The following TNIK variants were observed in gnomAD, a reference collection of about 807,000 sequenced individuals.
TNIK encodes the protein TRAF2 and NCK-interacting protein kinase.
Under a neutral mutation model 191.3 loss-of-function variants are expected in TNIK, and 49 were observed. That is an observed-to-expected ratio of 0.26 (90% CI 0.20 to 0.32). The LOEUF (loss-of-function observed/expected upper bound fraction) is 0.32, where lower values mean the gene tolerates loss of function less well. Ranked by LOEUF, TNIK falls within the 10% of genes least tolerant of loss-of-function variation. The pLI is 1.00. For missense variants in TNIK, 1,155 were observed against 1,702.3 expected (o/e 0.68, Z 5.66); for synonymous variants, 594 against 600.9 (o/e 0.99, Z 0.17).
intron 7 of TNIK, among the ~76,000 whole-genome samples, chr3:171,186,666 A>G (rs981440700): frequency 2.0e-5 from 3 of 152,156 alleles, no homozygotes; most frequent in African/African-American, 7.2e-5. Context: ...CTATTCTATC[A>G]GGATTCTTTA....
chr3:171,423,893 T>C lies in TNIK; in HGVS notation c.57+36114A>G, dbSNP rs551880841. 5.3e-5 allele frequency among the ~76,000 whole-genome samples: 8 copies of C among 152,158 alleles called. No individual in the cohort carries two copies. The East Asian group carries it at 1.3e-3, about 26-fold the overall frequency. Reference sequence around the variant, plus strand: ...ACCATAAAAACCCTAGAATAAAACCTAGGCAATACCATTCAGGACATAGGC... The same window carrying C: ...ACCATAAAAACCCTAGAATAAAACCCAGGCAATACCATTCAGGACATAGGC... On this transcript the variant is annotated intron_variant, in intron 1 of 32. Coordinates refer to ENST00000436636, the MANE Select transcript of TNIK (RefSeq NM_015028.4).
rs569616784 is a variant in TNIK at position 171,114,108 on chromosome 3, A to G, written c.2121-3231T>C. 2.6e-4 allele frequency among the ~76,000 whole-genome samples: 39 copies of G among 152,076 alleles called. 1 individual carries two copies. The highest frequency in any genetic ancestry group is 1.8e-3 in the Admixed American group (28 of 15,280). On this transcript the variant is annotated intron_variant, in intron 18 of 32. Coordinates refer to ENST00000436636, the MANE Select transcript of TNIK (RefSeq NM_015028.4). Reference sequence around the variant, plus strand: ...TTTTATTTTTCTGTTAGATTTACACAATGCTGGGCATGGATAATTTAGGGA... The same window carrying G: ...TTTTATTTTTCTGTTAGATTTACACGATGCTGGGCATGGATAATTTAGGGA...
intron 2 of TNIK, among the ~76,000 whole-genome samples, chr3:171,258,634 T>C (rs932059430): frequency 1.3e-5 from 2 of 152,080 alleles, no homozygotes; most frequent in Admixed American, 1.3e-4. Context: ...TTAAAATAGA[T>C]AAAAAGGAAG....
At position 171,203,111 on chromosome 3, in the gene TNIK, CA is replaced by C. The variant is rs1221821904; in HGVS notation, c.306+8004del. Reference sequence around the variant, plus strand: ...TTTTTCCTACAACCTCCACGTCACACAAGGGTGGTTAAATTTTTAATGGCAT... The same window carrying C: ...TTTTTCCTACAACCTCCACGTCACACAGGGTGGTTAAATTTTTAATGGCAT... On this transcript the variant is annotated intron_variant, in intron 4 of 32. Transcript: ENST00000436636. Among the ~76,000 whole-genome samples the C allele has an allele frequency of 1.9e-4, 29 of 151,652 alleles. No homozygotes were observed. The East Asian group carries it at 5.6e-3, about 29-fold the overall frequency.
At chr3:171,417,349 G>A (rs916744703) in intron 1 of TNIK, among the ~76,000 whole-genome samples, 6 of 152,030 alleles carry the variant, frequency 3.9e-5, no homozygotes, top group African/African-American at 9.7e-5. Flanking sequence ...ATCTATCTCT[G>A]CTAACAAAGG....
chr3:171,206,455 G>T (rs578052720), intron 4 of TNIK, among the ~76,000 whole-genome samples: 31 of 151,808 alleles, frequency 2.0e-4, no homozygotes, highest in African/African-American at 7.5e-4. Flanking sequence ...AGAGCAATTG[G>T]CCAGGGTGAG....
intron 14 of TNIK, 86 bp downstream of exon 14, chr3:171,139,376 GCGCACACA>G (rs1553830100): frequency 1.7e-5 from 9 of 532,136 alleles, no homozygotes; most frequent in South Asian, 1.2e-4. Flanking sequence ...ACACGCACGC[GCGCACACA>G]CACACACACA....
At chr3:171,277,375 T>C (rs1175348629) in intron 2 of TNIK, among the ~76,000 whole-genome samples, 1 of 152,122 alleles carries the variant, frequency 6.6e-6, no homozygotes, top group Non-Finnish European at 1.5e-5. Context: ...GCCTATTTCA[T>C]TGAGATTTGA....
intron 4 of TNIK, among the ~76,000 whole-genome samples, chr3:171,196,686 A>T (rs543397991): frequency 5.0e-4 from 76 of 152,146 alleles, no homozygotes; most frequent in African/African-American, 1.5e-3. Flanking sequence ...TAATTTTTTT[A>T]AAAAAAGATA....
At chr3:171,375,248 T>C (rs1321208177) in intron 1 of TNIK, among the ~76,000 whole-genome samples, 1 of 152,226 alleles carries the variant, frequency 6.6e-6, no homozygotes, top group Non-Finnish European at 1.5e-5. Flanking sequence ...TCCCTTTTCT[T>C]TTTCATCTTT....
At chr3:171,292,666 C>T (rs1751809776) in intron 2 of TNIK, among the ~76,000 whole-genome samples, 1 of 150,148 alleles carries the variant, frequency 6.7e-6, no homozygotes, top group Admixed American at 6.7e-5. Context: ...GTCCCAGCTA[C>T]TCGGGAGGCT....
intron 23 of TNIK, among the ~76,000 whole-genome samples, chr3:171,090,569 T>C (rs1216496737): frequency 6.7e-6 from 1 of 148,930 alleles, no homozygotes; most frequent in African/African-American, 2.5e-5. Flanking sequence ...AGGTGCTGTG[T>C]ACAAAGGTCC....
chr3:171,068,576 A>G (rs906327633), intron 30 of TNIK, among the ~76,000 whole-genome samples: 7 of 152,258 alleles, frequency 4.6e-5, no homozygotes, highest in South Asian at 2.1e-4. Flanking sequence ...TGAAAGAAAT[A>G]TGTCATATTC....
chr3:171,441,386 C>A (rs916243600), intron 1 of TNIK, among the ~76,000 whole-genome samples: 2 of 152,218 alleles, frequency 1.3e-5, no homozygotes, highest in African/African-American at 4.8e-5. Flanking sequence ...CTAGACATTT[C>A]ATATATACAG....
chr3:171,166,657 A>T (rs1734654046), intron 10 of TNIK, among the ~76,000 whole-genome samples: 1 of 152,230 alleles, frequency 6.6e-6, no homozygotes, highest in African/African-American at 2.4e-5. Flanking sequence ...ACTTCTAAAT[A>T]ACAGAATTAG....
chr3:171,152,552 C>T (rs994587171), intron 12 of TNIK, among the ~76,000 whole-genome samples: 1 of 152,058 alleles, frequency 6.6e-6, no homozygotes, highest in African/African-American at 2.4e-5. Flanking sequence ...TGCTACTGAT[C>T]TCCCTGCAGA....
At chr3:171,213,345 C>G (rs992554202) in intron 3 of TNIK, among the ~76,000 whole-genome samples, 1 of 152,144 alleles carries the variant, frequency 6.6e-6, no homozygotes, top group Non-Finnish European at 1.5e-5. Flanking sequence ...ACAGCATCGA[C>G]AGCTGCTTCC....
chr3:171,187,761 T>G (rs910317474), intron 7 of TNIK, among the ~76,000 whole-genome samples: 4 of 152,166 alleles, frequency 2.6e-5, no homozygotes, highest in Non-Finnish European at 5.9e-5. Context: ...TTTCTTCATC[T>G]GTTAGATAAG....
rs75534859 is a variant in TNIK, at chr3:171,442,901, T to A, written c.57+17106A>T. Among the ~76,000 whole-genome samples the A allele has an allele frequency of 8.4e-3, 1,281 of 152,284 alleles. 22 individuals are homozygous for A. The highest frequency in any genetic ancestry group is 0.029 in the African/African-American group (1,196 of 41,552). ...TTTTACATCTGTTCTTCTCCCAAAA[T>A]AAAAGCTGTTTATATTCAAGAAATG... On this transcript the variant is annotated intron_variant, in intron 1 of 32. Coordinates refer to ENST00000436636, the MANE Select transcript of TNIK (RefSeq NM_015028.4).
Sources: gnomAD v4.1 joint callset for allele counts (sites outside exome capture counted in the v4.1 genomes callset) on GRCh38, gnomAD v4.1.1 for gene constraint, MANE v1.5 for transcripts, NCBI Gene and HGNC (gene_info 2026-07-23, HGNC 2026-07-21) for gene names.